The following CRYZ variants were observed in gnomAD, a reference collection of about 807,000 sequenced individuals.
CRYZ encodes crystallin zeta, also known as zeta-crystallin.
CRYZ carries 35 observed loss-of-function variants against 34.1 expected under a neutral mutation model. The ratio of observed to expected loss-of-function variants is 1.03; its 90% CI spans 0.78 to 1.36. The LOEUF is 1.36. CRYZ is among the 40% of genes most tolerant of loss of function. The pLI is 0.00. For synonymous variants in CRYZ, 137 were observed against 136.5 expected, an observed-to-expected ratio of 1.00 and a Z score of -0.03; for missense variants, 403 against 391.8, an observed-to-expected ratio of 1.03 and a Z score of -0.24.
intron 2 of CRYZ, 128 bp downstream of exon 2, chr1:74,724,579 TATAC>T: frequency 3.3e-6 from 2 of 602,010 alleles, no homozygotes; most frequent in Non-Finnish European, 5.9e-6. Flanking sequence ...TGTCCATATG[TATAC>T]ATAGTGTAAA....
At chr1:74,725,608 C>T (rs201360486) in intron 1 of CRYZ, among the ~76,000 whole-genome samples, 1 of 99,140 alleles carries the variant, frequency 1.0e-5, no homozygotes, top group Non-Finnish European at 1.9e-5. Context: ...ATCATTCTAC[C>T]CCAGGACCCT....
In CRYZ at chr1:74,707,113, C is replaced by A. The variant is rs781550026; in HGVS notation, c.722G>T (p.Gly241Val). 1 of 1,579,586 alleles carries A rather than the reference C, an allele frequency of 6.3e-7. No homozygotes were observed. The highest frequency in any genetic ancestry group is 1.2e-5 in the South Asian group (1 of 85,382). Residue 241 changes from glycine to valine, a missense_variant, in exon 7 of 9, where the codon GGA (glycine) becomes GTA (valine). Transcript: ENST00000340866. ...SKDLSLLSHG[G>V]RVIVVGSRGT... Reference sequence around the variant, plus strand: ...AAAAGGAATACTTACTATCACTCGTCCTCCATGTGACAGAAGACTCAAGTC... The same window carrying A: ...AAAAGGAATACTTACTATCACTCGTACTCCATGTGACAGAAGACTCAAGTC...
At position 74,706,860 on chromosome 1, in the gene CRYZ, T is replaced by G. The variant is rs1173690303; in HGVS notation, c.828+39A>C. Reference sequence around the variant, plus strand: ...TGCCTGAGTAGGCAAACTGTACCAATGTTTAAGTTACCAAAATCAGAAGTA... The same window carrying G: ...TGCCTGAGTAGGCAAACTGTACCAAGGTTTAAGTTACCAAAATCAGAAGTA... On this transcript the variant is annotated intron_variant, in intron 8 of 8. Transcript: ENST00000340866. The G allele has an allele frequency of 2.6e-6, 4 of 1,546,284 alleles. No individual in the cohort carries two copies. The African/African-American group carries it at 5.4e-5, about 21-fold the overall frequency.
chr1:74,710,358 C>T (rs980574648), intron 5 of CRYZ, 111 bp from the exon 6 acceptor site: 1 of 935,464 alleles, frequency 1.1e-6, no homozygotes, highest in Non-Finnish European at 1.6e-6. Flanking sequence ...CTTTAAGGAA[C>T]TTAAGAGTGT....
rs571301491 is a variant in CRYZ at position 74,725,099 on chromosome 1, T to C, written c.-13-265A>G. Among the ~76,000 whole-genome samples the C allele has an allele frequency of 2.0e-5, 3 of 152,314 alleles. No homozygotes were observed. In the South Asian group the frequency reaches 6.2e-4, roughly 32 times the overall value. ...GCAAACAAAAACATCTGGATAGACA[T>C]AGCATGATACCATATTTAGGTTTTC... On this transcript the variant is annotated intron_variant, in intron 1 of 8. Transcript: ENST00000340866.
At chr1:74,707,587 T>C (rs1646947196) in intron 6 of CRYZ, 1 of 154,716 alleles carries the variant, frequency 6.5e-6, no homozygotes, top group South Asian at 2.0e-4. Context: ...TTTTTATTAA[T>C]AAACAAAAAG....
intron 1 of CRYZ, among the ~76,000 whole-genome samples, chr1:74,727,154 C>T (rs1479706356): frequency 8.2e-6 from 1 of 122,436 alleles, no homozygotes; most frequent in African/African-American, 2.6e-5. Flanking sequence ...AAGTCGCTTC[C>T]ACATTTGCAG....
chr1:74,730,241 T>C (rs750339772), intron 1 of CRYZ: 1 of 152,206 alleles, frequency 6.6e-6, no homozygotes, highest in Admixed American at 6.5e-5. Flanking sequence ...CTGACTACAT[T>C]ATCCTATCAG....
intron 6 of CRYZ, 134 bp downstream of exon 6, chr1:74,709,964 C>A: frequency 1.5e-6 from 1 of 653,416 alleles, no homozygotes; most frequent in South Asian, 2.5e-5. Context: ...TTTTAAAACA[C>A]GCATAAAAAT....
chr1:74,722,620 G>GTATA (rs35250670), intron 3 of CRYZ, among the ~76,000 whole-genome samples: 1 of 151,458 alleles, frequency 6.6e-6, no homozygotes, highest in South Asian at 2.1e-4. Context: ...GTGTGTGTGT[G>GTATA]TATATATATA....
At chr1:74,729,848 C>A (rs549082960) in intron 1 of CRYZ, among the ~76,000 whole-genome samples, 1 of 152,030 alleles carries the variant, frequency 6.6e-6, no homozygotes, top group Non-Finnish European at 1.5e-5. Context: ...TTATGCAATG[C>A]GTATTTTTCT....
At chr1:74,718,865 C>G (rs1460039742) in intron 4 of CRYZ, among the ~76,000 whole-genome samples, 1 of 152,126 alleles carries the variant, frequency 6.6e-6, no homozygotes, top group East Asian at 1.9e-4. Context: ...TACACCTTGC[C>G]AGGAAGCCCT....
Position 74,723,116 on chromosome 1 carries a change from A to T in CRYZ, c.264+2T>A, listed in dbSNP as rs371957032. 6 of 1,607,958 alleles carry T rather than the reference A, an allele frequency of 3.7e-6. No individual in the cohort carries two copies. The African/African-American group carries it at 8.0e-5, about 22-fold the overall frequency. On this transcript the variant is annotated splice_donor_variant, in intron 3 of 8. Coordinates refer to ENST00000340866, the MANE Select transcript of CRYZ (RefSeq NM_001889.4). LOFTEE classifies it high-confidence loss of function. ...AAATAGAAATAATTAAAAATGCAAT[A>T]CCTTGAAAGCAGATGCATTATCTCC... is the stretch of plus-strand genomic sequence containing the variant.
intron 5 of CRYZ, 40 bp downstream of exon 5, chr1:74,714,539 A>AC (rs776508484): frequency 5.0e-6 from 8 of 1,588,256 alleles, no homozygotes; most frequent in Non-Finnish European, 6.0e-6. Context: ...AAACCCATAA[A>AC]CCCAAGCTTG....
At chr1:74,714,688 T>C (rs1204309465) in intron 4 of CRYZ, 58 bp from the exon 5 acceptor site, 40 of 1,579,490 alleles carry the variant, frequency 2.5e-5, no homozygotes, top group Non-Finnish European at 8.7e-6. Context: ...TAATCTCGGG[T>C]GTTTTCATCA....
At chr1:74,727,305 G>C (rs1450949823) in intron 1 of CRYZ, among the ~76,000 whole-genome samples, 3 of 148,738 alleles carry the variant, frequency 2.0e-5, no homozygotes, top group Non-Finnish European at 4.5e-5. Context: ...CACGTGGCTG[G>C]GGAGACCTCA....
At chr1:74,716,237 T>C (rs1647073455) in intron 4 of CRYZ, among the ~76,000 whole-genome samples, 1 of 151,866 alleles carries the variant, frequency 6.6e-6, no homozygotes, top group Non-Finnish European at 1.5e-5. Context: ...GAGTGACTGA[T>C]TCTTAAGGAA....
chr1:74,723,533 G>A lies in CRYZ; in HGVS notation c.112-263C>T, dbSNP rs116110715. On this transcript the variant is annotated intron_variant, in intron 2 of 8. Coordinates refer to ENST00000340866, the MANE Select transcript of CRYZ (RefSeq NM_001889.4). ...GGGGATATGTGGCAGAGACCTCTGC[G>A]TGTTCATCAAACCCGTTTTCTCCTT... Among the ~76,000 whole-genome samples the A allele has an allele frequency of 1.6e-3, 251 of 152,314 alleles. 1 individual carries two copies. Among genetic ancestry groups the A allele is most frequent in the African/African-American group, 5.6e-3 (231 of 41,582 alleles).
intron 5 of CRYZ, among the ~76,000 whole-genome samples, chr1:74,712,941 A>T (rs548231782): frequency 6.6e-6 from 1 of 152,320 alleles, no homozygotes; most frequent in South Asian, 2.1e-4. Context: ...ACACTAAAAT[A>T]GGGCACTCCT....
Sources: allele counts gnomAD v4.1 joint callset (sites outside exome capture counted in the v4.1 genomes callset), GRCh38; gene constraint gnomAD v4.1.1; transcripts MANE v1.5; gene names NCBI Gene and HGNC (gene_info 2026-07-23, HGNC 2026-07-21).